The following SNX29 variants were observed in gnomAD, a reference collection of about 807,000 sequenced individuals.
The protein encoded by SNX29 is sorting nexin 29, also known as sorting nexin-29.
A neutral mutation model predicts 102.1 loss-of-function variants in SNX29; 78 were observed. The observed-to-expected ratio is 0.76, with a 90% CI of 0.64 to 0.92. The LOEUF (loss-of-function observed/expected upper bound fraction) is 0.92, where lower values mean the gene tolerates loss of function less well. SNX29 is among the 40% of genes least tolerant of loss of function. The probability of loss-of-function intolerance (pLI) is 0.00; values close to 1 mark genes in which losing one functional copy is unlikely to be tolerated. For synonymous variants in SNX29, 580 were observed against 414.5 expected (o/e 1.40, Z -4.85); for missense variants, 1,280 against 1,061.7 (o/e 1.21, Z -2.86).
intron 19 of SNX29, among the ~76,000 whole-genome samples, chr16:12,486,252 T>C (rs757844944): frequency 6.6e-6 from 1 of 152,188 alleles, no homozygotes; most frequent in Non-Finnish European, 1.5e-5. Flanking sequence ...TTTGCAGTAA[T>C]GTGATTAGAT....
At chr16:12,563,878 C>T (rs772035074) in intron 20 of SNX29, among the ~76,000 whole-genome samples, 10 of 152,222 alleles carry the variant, frequency 6.6e-5, no homozygotes, top group Admixed American at 3.9e-4. Context: ...CATCTCTAGC[C>T]CCTTGGGCCT....
intron 14 of SNX29, among the ~76,000 whole-genome samples, chr16:12,240,069 T>G (rs975436935): frequency 1.3e-5 from 2 of 152,268 alleles, no homozygotes; most frequent in African/African-American, 4.8e-5. Context: ...ACGAGCAGTT[T>G]TGTGTCTTTA....
intron 20 of SNX29, among the ~76,000 whole-genome samples, chr16:12,559,003 G>A (rs1015640019): frequency 1.3e-5 from 2 of 152,144 alleles, no homozygotes; most frequent in South Asian, 2.1e-4. Flanking sequence ...ACACAGTTAT[G>A]GGGGAGAGAG....
At chr16:12,062,845 ACAGTCACTGGCAGCAGGACGGGGC>A (rs2079249885) in intron 9 of SNX29, among the ~76,000 whole-genome samples, 1 of 152,162 alleles carries the variant, frequency 6.6e-6, no homozygotes, top group Non-Finnish European at 1.5e-5. Context: ...CAGGGCGGGG[ACAGTCACTGGCAGCAGGACGGGGC>A]CAGTCAGATG....
intron 15 of SNX29, among the ~76,000 whole-genome samples, chr16:12,313,731 G>A (rs1265833684): frequency 2.0e-5 from 3 of 152,198 alleles, no homozygotes; most frequent in East Asian, 1.9e-4. Context: ...ACCCCATGCC[G>A]GGTATGGAGT....
At chr16:12,523,761 C>G (rs956048161) in intron 19 of SNX29, among the ~76,000 whole-genome samples, 1 of 152,292 alleles carries the variant, frequency 6.6e-6, no homozygotes, top group Non-Finnish European at 1.5e-5. Flanking sequence ...GATCACAGAG[C>G]CCCTGATCAC....
intron 16 of SNX29, among the ~76,000 whole-genome samples, chr16:12,388,851 G>C (rs766041349): frequency 1.8e-4 from 28 of 152,180 alleles, no homozygotes; most frequent in Non-Finnish European, 4.1e-4. Flanking sequence ...GTTGGTAAGG[G>C]ATATTCTATT....
At chr16:12,540,181 C>G (rs1006454701) in intron 20 of SNX29, among the ~76,000 whole-genome samples, 3 of 152,116 alleles carry the variant, frequency 2.0e-5, no homozygotes, top group Non-Finnish European at 4.4e-5. Flanking sequence ...TTTGAGTGGA[C>G]TTTTGTGTCA....
intron 16 of SNX29, among the ~76,000 whole-genome samples, chr16:12,384,080 C>G (rs1439097771): frequency 1.3e-5 from 2 of 152,168 alleles, no homozygotes; most frequent in Non-Finnish European, 2.9e-5. Flanking sequence ...AATAGTACCC[C>G]ACTGTGTATA....
intron 18 of SNX29, among the ~76,000 whole-genome samples, chr16:12,408,735 A>G (rs756453065): frequency 6.6e-6 from 1 of 152,204 alleles, no homozygotes; most frequent in Non-Finnish European, 1.5e-5. Context: ...CAGGAGACTC[A>G]CTTAAACCTG....
intron 15 of SNX29, among the ~76,000 whole-genome samples, chr16:12,320,992 C>G (rs2080912554): frequency 2.6e-5 from 4 of 152,190 alleles, no homozygotes. Context: ...CAAATCAGGA[C>G]TGAGGCGATA....
chr16:12,204,643 G>A (rs974205629), intron 14 of SNX29, among the ~76,000 whole-genome samples: 4 of 152,264 alleles, frequency 2.6e-5, no homozygotes, highest in Non-Finnish European at 5.9e-5. Flanking sequence ...AAGGGCAGGA[G>A]ACTGAGTGGG....
chr16:12,341,328 G>C (rs185853774), intron 15 of SNX29, among the ~76,000 whole-genome samples: 2 of 152,204 alleles, frequency 1.3e-5, no homozygotes, highest in Admixed American at 6.5e-5. Context: ...TGGGTAAAAG[G>C]ATATCATGAT....
intron 15 of SNX29, among the ~76,000 whole-genome samples, chr16:12,305,674 C>T (rs1008684447): frequency 2.0e-5 from 3 of 152,188 alleles, no homozygotes; most frequent in Admixed American, 6.5e-5. Context: ...CTTTTTGCCA[C>T]CTCCTTAAAT....
intron 20 of SNX29, among the ~76,000 whole-genome samples, chr16:12,563,390 CCATG>C (rs1456327478): frequency 1.3e-5 from 2 of 152,176 alleles, no homozygotes; most frequent in African/African-American, 4.8e-5. Flanking sequence ...TTACCCGTAA[CCATG>C]AAAATAGATG....
chr16:12,212,733 T>C (rs1044350028), intron 14 of SNX29, among the ~76,000 whole-genome samples: 1 of 152,248 alleles, frequency 6.6e-6, no homozygotes, highest in African/African-American at 2.4e-5. Context: ...AGATTCTGGG[T>C]ATTAACCCCT....
At chr16:12,467,632 G>GTTCA (rs1296513533) in intron 18 of SNX29, among the ~76,000 whole-genome samples, 3 of 135,554 alleles carry the variant, frequency 2.2e-5, no homozygotes, top group African/African-American at 1.0e-4. Flanking sequence ...TAGTTCGTTC[G>GTTCA]TTCGTTCATT....
At chr16:12,162,593 C>A (rs945116180) in intron 13 of SNX29, among the ~76,000 whole-genome samples, 1 of 152,200 alleles carries the variant, frequency 6.6e-6, no homozygotes, top group Non-Finnish European at 1.5e-5. Flanking sequence ...TAGGCACATT[C>A]TATTCAATAA....
intron 4 of SNX29, among the ~76,000 whole-genome samples, chr16:12,035,329 G>A (rs377194541): frequency 2.0e-5 from 3 of 151,462 alleles, no homozygotes; most frequent in African/African-American, 4.8e-5. Context: ...CTCCTACTTC[G>A]GCCTCTCAAG....
Sources: gnomAD v4.1 joint callset for allele counts (sites outside exome capture counted in the v4.1 genomes callset) on GRCh38, gnomAD v4.1.1 for gene constraint, MANE v1.5 for transcripts, NCBI Gene and HGNC (gene_info 2026-07-23, HGNC 2026-07-21) for gene names.